EHBP1: variants seen among roughly 807,000 people sequenced by gnomAD.
EHBP1 encodes EH domain-binding protein 1.
Under a neutral mutation model 144.0 loss-of-function variants are expected in EHBP1, and 55 were observed. The observed-to-expected ratio is 0.38, with a 90% confidence interval of 0.31 to 0.48. The LOEUF (loss-of-function observed/expected upper bound fraction) is 0.48. Ranked by LOEUF, EHBP1 falls within the 20% of genes least tolerant of loss-of-function variation. EHBP1 has a pLI of 0.98. For synonymous variants in EHBP1, 469 were observed against 472.7 expected, an observed-to-expected ratio of 0.99 and a Z score of 0.10; for missense variants, 1,200 against 1,364.2, an observed-to-expected ratio of 0.88 and a Z score of 1.90.
At chr2:62,856,024 G>A (rs556407461) in intron 7 of EHBP1, among the ~76,000 whole-genome samples, 23 of 152,286 alleles carry the variant, frequency 1.5e-4, no homozygotes, top group African/African-American at 5.3e-4. Context: ...CACCCTGCTT[G>A]TGGAAAGGAG....
rs139985973 is a variant in EHBP1 at position 62,980,608 on chromosome 2, C to G, written c.2608+1273C>G. On this transcript the variant is annotated intron_variant, in intron 15 of 22. Transcript: ENST00000431489. ...ATGCTTATAACATCTAATCTTCCAT[C>G]TCATAAATTTGAAAGCTTCTTCCCC... is the stretch of plus-strand genomic sequence containing the variant. 5.3e-5 allele frequency among the ~76,000 whole-genome samples: 8 copies of G among 152,170 alleles called. No homozygotes were observed. The East Asian group carries it at 1.5e-3, about 29-fold the overall frequency.
intron 19 of EHBP1, among the ~76,000 whole-genome samples, chr2:63,034,032 ATTG>A (rs1196399863): frequency 1.3e-5 from 2 of 152,080 alleles, no homozygotes; most frequent in Non-Finnish European, 2.9e-5. Flanking sequence ...GACTTTAAGG[ATTG>A]TGATATCGAA....
chr2:63,019,857 AAGGAAGG>A (rs2060643542), intron 19 of EHBP1, among the ~76,000 whole-genome samples: 1 of 131,940 alleles, frequency 7.6e-6, no homozygotes, highest in African/African-American at 2.8e-5. Flanking sequence ...GGAAGGAAGG[AAGGAAGG>A]AAGGAAGGAA....
chr2:62,850,308 T>A (rs2048594722), intron 7 of EHBP1, among the ~76,000 whole-genome samples: 1 of 152,200 alleles, frequency 6.6e-6, no homozygotes, highest in Non-Finnish European at 1.5e-5. Context: ...GAAGTTTTTT[T>A]TTCTTTTTAC....
intron 7 of EHBP1, among the ~76,000 whole-genome samples, chr2:62,846,322 C>G (rs1442480794): frequency 6.6e-6 from 1 of 152,114 alleles, no homozygotes; most frequent in East Asian, 1.9e-4. Context: ...AATTAATATT[C>G]AAAGTACCTA....
chr2:62,890,540 G>A (rs1021862346), intron 10 of EHBP1, among the ~76,000 whole-genome samples: 2 of 152,098 alleles, frequency 1.3e-5, no homozygotes, highest in Non-Finnish European at 2.9e-5. Flanking sequence ...CTGTCAGCTC[G>A]ACTGTTTTTG....
chr2:62,756,629 A>G (rs1369438704), intron 3 of EHBP1, among the ~76,000 whole-genome samples: 2 of 152,076 alleles, frequency 1.3e-5, no homozygotes, highest in African/African-American at 4.8e-5. Flanking sequence ...ATGAGCTGGA[A>G]GTGGTGGCAC....
intron 6 of EHBP1, among the ~76,000 whole-genome samples, chr2:62,829,346 A>G (rs1162824940): frequency 6.6e-6 from 1 of 151,822 alleles, no homozygotes; most frequent in African/African-American, 2.4e-5. Flanking sequence ...GTAGTCTTTT[A>G]TCCCTCACAC....
intron 5 of EHBP1, among the ~76,000 whole-genome samples, chr2:62,797,927 CA>C (rs1414153017): frequency 6.6e-6 from 1 of 152,014 alleles, no homozygotes; most frequent in East Asian, 1.9e-4. Context: ...GGTAACTAAA[CA>C]AATGATAAAA....
intron 7 of EHBP1, among the ~76,000 whole-genome samples, chr2:62,854,537 A>G (rs979808816): frequency 8.5e-5 from 13 of 152,262 alleles, no homozygotes; most frequent in Non-Finnish European, 1.6e-4. Flanking sequence ...CCTAGTTTCA[A>G]TATTGTTGTG....
intron 2 of EHBP1, among the ~76,000 whole-genome samples, chr2:62,720,349 T>C (rs2036107487): frequency 6.6e-6 from 1 of 152,192 alleles, no homozygotes; most frequent in South Asian, 2.1e-4. Flanking sequence ...GTTGTCCTTC[T>C]AAAATTAGCC....
At chr2:62,842,593 GA>G (rs1328815922) in intron 7 of EHBP1, among the ~76,000 whole-genome samples, 4 of 152,280 alleles carry the variant, frequency 2.6e-5, no homozygotes, top group African/African-American at 9.6e-5. Context: ...AGAAGCCTTT[GA>G]TGCCCCCTGC....
chr2:62,879,194 G>C (rs1325198302), intron 10 of EHBP1, among the ~76,000 whole-genome samples: 1 of 151,994 alleles, frequency 6.6e-6, no homozygotes, highest in African/African-American at 2.4e-5. Flanking sequence ...ATACTGAATG[G>C]GCAAAAGCTG....
At chr2:62,708,355 T>A (rs2034800002) in intron 2 of EHBP1, among the ~76,000 whole-genome samples, 1 of 152,210 alleles carries the variant, frequency 6.6e-6, no homozygotes, top group Non-Finnish European at 1.5e-5. Context: ...GAATACAACA[T>A]AATCCCTGTC....
chr2:62,804,987 C>A (rs778673559), intron 5 of EHBP1, among the ~76,000 whole-genome samples: 2 of 152,194 alleles, frequency 1.3e-5, no homozygotes, highest in African/African-American at 4.8e-5. Flanking sequence ...GGAAAACTGT[C>A]TTCCATGAAA....
chr2:62,792,537 G>A (rs1483434290), intron 5 of EHBP1, among the ~76,000 whole-genome samples: 1 of 152,010 alleles, frequency 6.6e-6, no homozygotes, highest in African/African-American at 2.4e-5. Flanking sequence ...AATGATGTTT[G>A]ATAAACGAAC....
chr2:62,823,242 A>G (rs1207388617), intron 5 of EHBP1, among the ~76,000 whole-genome samples: 1 of 152,144 alleles, frequency 6.6e-6, no homozygotes, highest in Non-Finnish European at 1.5e-5. Flanking sequence ...AATTTCGAAA[A>G]TACTGCCAGA....
intron 10 of EHBP1, among the ~76,000 whole-genome samples, chr2:62,939,588 G>A (rs1374135212): frequency 1.3e-5 from 2 of 152,052 alleles, no homozygotes; most frequent in Non-Finnish European, 2.9e-5. Context: ...GCATTATTAA[G>A]TAGGATGGTG....
At chr2:62,688,072 G>A (rs112460563) in intron 1 of EHBP1, among the ~76,000 whole-genome samples, 5,597 of 152,240 alleles carry the variant, frequency 0.037, 160 homozygotes, top group Middle Eastern at 0.12. Context: ...GCAGCAAAGT[G>A]ATATATCCAG....
Sources: allele counts gnomAD v4.1 joint callset (sites outside exome capture counted in the v4.1 genomes callset), GRCh38; gene constraint gnomAD v4.1.1; transcripts MANE v1.5; gene names NCBI Gene and HGNC (gene_info 2026-07-23, HGNC 2026-07-21).